The following SFXN1 variants were observed in gnomAD, a reference collection of about 807,000 sequenced individuals.
SFXN1 encodes sideroflexin 1.
Under a neutral mutation model 39.5 loss-of-function variants are expected in SFXN1, and 32 were observed. The ratio of observed to expected loss-of-function variants is 0.81; its 90% CI spans 0.61 to 1.09. The LOEUF (loss-of-function observed/expected upper bound fraction) is 1.09. Ranked by LOEUF, SFXN1 falls within the 50% of genes least tolerant of loss-of-function variation. The pLI, the probability that SFXN1 is intolerant of heterozygous loss-of-function variation, is 0.00. For synonymous variants in SFXN1, 136 were observed against 146.5 expected (o/e 0.93, Z 0.52); for missense variants, 402 against 407.1 (o/e 0.99, Z 0.11).
In SFXN1 at chr5:175,511,524, A is replaced by G. The variant is rs768680411; in HGVS notation, c.508A>G (p.Lys170Glu). ...ATALGLNALT[K>E]HVSPLIGRFV... ...AGCTCTAGGACTCAATGCATTGACC[A>G]AGGTACTCAGATTTTTATTTCCATA... Residue 170 changes from lysine to glutamate, a missense_variant and splice_region_variant, in exon 5 of 11, where the codon AAG (lysine) becomes GAG (glutamate). Transcript: ENST00000321442. 1 of 1,612,656 alleles carries G rather than the reference A, an allele frequency of 6.2e-7. No homozygotes were observed. Among genetic ancestry groups the G allele is most frequent in the Non-Finnish European group, 8.5e-7 (1 of 1,179,164 alleles).
At chr5:175,519,189 A>G (rs1009220187) in intron 8 of SFXN1, among the ~76,000 whole-genome samples, 1 of 152,236 alleles carries the variant, frequency 6.6e-6, no homozygotes, top group African/African-American at 2.4e-5. Flanking sequence ...AAAAACTAAA[A>G]AGATTGATCA....
Position 175,513,485 on chromosome 5 carries a change from G to C in SFXN1, c.619G>C (p.Val207Leu), listed in dbSNP as rs200390050. Residue 207 changes from valine to leucine, a missense_variant, in exon 7 of 11, where the codon GTC (valine) becomes CTC (leucine). Physicochemically the swap from Val to Leu is conservative, Grantham distance 32. Transcript: ENST00000321442. Reference sequence around the variant, plus strand: ...CAGGGAACTCAAAGTTGGCATTCCCGTCACGGATGAGAATGGGAACCGCTT... The same window carrying C: ...CAGGGAACTCAAAGTTGGCATTCCCCTCACGGATGAGAATGGGAACCGCTT... The part of the protein sequence containing the change: ...RQRELKVGIP[V>L]TDENGNRLGE... 27 of 1,613,628 alleles carry C rather than the reference G, an allele frequency of 1.7e-5. No individual in the cohort carries two copies. Among genetic ancestry groups the C allele is most frequent in the Admixed American group, 3.3e-5 (2 of 59,962 alleles).
intron 4 of SFXN1, 26 bp downstream of exon 4, chr5:175,510,233 T>G (rs372098253): frequency 6.4e-7 from 1 of 1,566,428 alleles, no homozygotes; most frequent in South Asian, 1.1e-5. Context: ...TTGACCACTC[T>G]CTGCAGTTCT....
rs1048086255 is a variant in SFXN1 at position 175,526,879 on chromosome 5, A to C, written c.*145A>C. On this transcript the variant is annotated 3_prime_UTR_variant, in exon 11 of 11. Transcript: ENST00000321442. ...ATTAGCCTTTTAGAATAAAGCTGCT[A>C]CTTTAACAGAGCACCTGGCGTGGGC... 5 of 678,314 alleles carry C rather than the reference A, an allele frequency of 7.4e-6. No individual in the cohort carries two copies. Among genetic ancestry groups the C allele is most frequent in the Non-Finnish European group, 1.0e-5 (4 of 388,586 alleles). 42.0% of individuals were successfully genotyped at this position (678,314 alleles called of 1,614,324 possible).
intron 2 of SFXN1, among the ~76,000 whole-genome samples, chr5:175,504,659 A>G (rs1273153092): frequency 3.9e-5 from 6 of 152,316 alleles, no homozygotes; most frequent in Non-Finnish European, 8.8e-5. Flanking sequence ...TATAATAGAC[A>G]CAATGGTAGT....
intron 6 of SFXN1, among the ~76,000 whole-genome samples, chr5:175,512,528 C>A (rs1760558408): frequency 6.6e-6 from 1 of 152,174 alleles, no homozygotes; most frequent in Admixed American, 6.5e-5. Context: ...TGGACAAAGT[C>A]TATCCAAAGA....
chr5:175,481,047 A>T (rs531388420), intron 1 of SFXN1, among the ~76,000 whole-genome samples: 4 of 152,252 alleles, frequency 2.6e-5, no homozygotes, highest in Non-Finnish European at 5.9e-5. Context: ...TTTGTAAAAT[A>T]GTTTTATAGA....
At chr5:175,522,809 G>C (rs1760923406) in intron 10 of SFXN1, 1 of 164,684 alleles carries the variant, frequency 6.1e-6, no homozygotes, top group African/African-American at 2.4e-5. Flanking sequence ...TAGCTTAGGT[G>C]GTTGGTATAT....
chr5:175,501,837 C>T lies in SFXN1; in HGVS notation c.165-7195C>T, dbSNP rs372140688. 9.2e-5 allele frequency among the ~76,000 whole-genome samples: 14 copies of T among 152,320 alleles called. No homozygotes were observed. In the East Asian group the frequency reaches 1.7e-3, roughly 19 times the overall value. On this transcript the variant is annotated intron_variant, in intron 2 of 10. Coordinates refer to ENST00000321442, the MANE Select transcript of SFXN1 (RefSeq NM_022754.7). ...TAATCACCCAGTGGGTTCACCTTAC[C>T]TGCTGCCTAGACAGAACCGATTTAT...
At chr5:175,520,292 T>G (rs1049869418) in intron 8 of SFXN1, among the ~76,000 whole-genome samples, 1 of 152,204 alleles carries the variant, frequency 6.6e-6, no homozygotes, top group African/African-American at 2.4e-5. Flanking sequence ...GGACTTTTCA[T>G]CTAAACTTGC....
intron 8 of SFXN1, 61 bp downstream of exon 8, chr5:175,516,724 C>T (rs4867799): frequency 9.0e-6 from 14 of 1,547,550 alleles, no homozygotes; most frequent in South Asian, 1.2e-5. Flanking sequence ...GATTTCAAAC[C>T]GTATAGATTA....
chr5:175,504,725 A>G (rs1760221298), intron 2 of SFXN1, among the ~76,000 whole-genome samples: 1 of 152,058 alleles, frequency 6.6e-6, no homozygotes, highest in Non-Finnish European at 1.5e-5. Context: ...CTTCATAAGA[A>G]CAATTTTTTT....
chr5:175,489,111 T>G (rs1365619243), intron 1 of SFXN1, among the ~76,000 whole-genome samples: 1 of 86,462 alleles, frequency 1.2e-5, no homozygotes, highest in East Asian at 2.3e-4. Context: ...AGCCTTTTTT[T>G]AGACCTTCTG....
intron 1 of SFXN1, among the ~76,000 whole-genome samples, chr5:175,479,883 C>T (rs1759166714): frequency 6.6e-6 from 1 of 152,172 alleles, no homozygotes; most frequent in East Asian, 1.9e-4. Context: ...CTTCTTTGTC[C>T]ATCCCCCTTT....
intron 1 of SFXN1, among the ~76,000 whole-genome samples, chr5:175,480,558 C>T (rs1314855639): frequency 6.6e-6 from 1 of 152,178 alleles, no homozygotes; most frequent in Non-Finnish European, 1.5e-5. Context: ...CCCTATATGG[C>T]AAAGGGTGTC....
chr5:175,514,943 A>G (rs1320983088), intron 7 of SFXN1, among the ~76,000 whole-genome samples: 1 of 152,194 alleles, frequency 6.6e-6, no homozygotes, highest in Non-Finnish European at 1.5e-5. Context: ...CGGTGTTCCT[A>G]CTGAGCCCTG....
Position 175,509,070 on chromosome 5 carries a change from T to G in SFXN1, c.203T>G (p.Leu68Trp). 6.2e-7 allele frequency: 1 copy of G among 1,611,674 alleles called. No individual in the cohort carries two copies. The highest frequency in any genetic ancestry group is 8.5e-7 in the Non-Finnish European group (1 of 1,179,244). The change falls in exon 3 of 11, where the codon TTG becomes TGG. Residue 68 changes from leucine to tryptophan, a missense_variant. Leu to Trp is a moderately conservative substitution (Grantham distance 61). Coordinates refer to ENST00000321442, the MANE Select transcript of SFXN1 (RefSeq NM_022754.7). ...IVPPGLTENE[L>W]WRAKYIYDSA... ...CCTCCTGGTCTTACAGAAAATGAATTGTGGAGAGCAAAGTACATCTATGAT... is the reference window on the plus strand; with the variant it reads ...CCTCCTGGTCTTACAGAAAATGAATGGTGGAGAGCAAAGTACATCTATGAT...
intron 2 of SFXN1, among the ~76,000 whole-genome samples, chr5:175,500,789 G>C (rs114939193): frequency 6.6e-6 from 1 of 152,160 alleles, no homozygotes; most frequent in African/African-American, 2.4e-5. Flanking sequence ...TTAGATCCAC[G>C]TAACAGAAGA....
intron 1 of SFXN1, among the ~76,000 whole-genome samples, chr5:175,487,025 A>C (rs1759473051): frequency 6.6e-6 from 1 of 152,166 alleles, no homozygotes; most frequent in African/African-American, 2.4e-5. Context: ...TTCTGAGAAA[A>C]ACCCATATCA....
Sources: gnomAD v4.1 joint callset for allele counts (sites outside exome capture counted in the v4.1 genomes callset) on GRCh38, gnomAD v4.1.1 for gene constraint, MANE v1.5 for transcripts, NCBI Gene and HGNC (gene_info 2026-07-23, HGNC 2026-07-21) for gene names.